UGT2B4: variants seen among roughly 807,000 people sequenced by gnomAD.
UGT2B4 encodes UDP glucuronosyltransferase family 2 member B4, also known as UDP-glucuronosyltransferase 2B4.
Under a neutral mutation model 49.8 loss-of-function variants are expected in UGT2B4, and 49 were observed. The observed-to-expected ratio is 0.98, with a 90% CI of 0.78 to 1.25. UGT2B4 has a LOEUF of 1.25. Among genes scored for constraint, UGT2B4 ranks in the 50% most tolerant of loss-of-function variants. UGT2B4 has a pLI of 0.00. For synonymous variants in UGT2B4, 246 were observed against 217.7 expected, an observed-to-expected ratio of 1.13 and a Z score of -1.14; for missense variants, 729 against 627.7, an observed-to-expected ratio of 1.16 and a Z score of -1.73.
intron 4 of UGT2B4, 80 bp downstream of exon 4, chr4:69,486,529 G>C: frequency 1.0e-6 from 1 of 953,882 alleles, no homozygotes; most frequent in Non-Finnish European, 1.5e-6. Context: ...CAAATGTTCA[G>C]TAAGCTTGTT....
chr4:69,502,344 G>C (rs1014874151), intron 1 of UGT2B4, among the ~76,000 whole-genome samples: 1 of 151,702 alleles, frequency 6.6e-6, no homozygotes, highest in African/African-American at 2.4e-5. Context: ...TATTAACACA[G>C]TCCTTCTGAC....
intron 1 of UGT2B4, among the ~76,000 whole-genome samples, chr4:69,506,573 G>A (rs1488593330): frequency 6.6e-6 from 1 of 152,056 alleles, no homozygotes; most frequent in African/African-American, 2.4e-5. Flanking sequence ...AATTGAAGCT[G>A]TAATAAATAG....
chr4:69,497,058 T>C (rs1728188024), upstream of UGT2B4, among the ~76,000 whole-genome samples: 1 of 152,190 alleles, frequency 6.6e-6, no homozygotes, highest in African/African-American at 2.4e-5. Context: ...TGTCTTAGAA[T>C]TATGCAGACA....
At chr4:69,499,682 A>G (rs987351854), upstream of UGT2B4, among the ~76,000 whole-genome samples, 4 of 152,154 alleles carry the variant, frequency 2.6e-5, no homozygotes, top group African/African-American at 9.7e-5. Flanking sequence ...TAGGATAGCA[A>G]GACCTGCTTC....
At chr4:69,502,126 T>TTTC (rs1553896686) in intron 1 of UGT2B4, among the ~76,000 whole-genome samples, 27 of 143,548 alleles carry the variant, frequency 1.9e-4, no homozygotes, top group African/African-American at 5.9e-4. Context: ...TCTTTCTTTC[T>TTTC]TTCTTTCTTT....
At chr4:69,494,172 C>T (rs780333277) in intron 1 of UGT2B4, among the ~76,000 whole-genome samples, 7 of 152,062 alleles carry the variant, frequency 4.6e-5, no homozygotes, top group African/African-American at 7.2e-5. Context: ...AGCAGATATA[C>T]GTATAAACCA....
rs1187833421 is a variant in UGT2B4 at position 69,495,599 on chromosome 4, T to A, written c.263A>T (p.Asp88Val). Residue 88 changes from aspartate to valine, a missense_variant, in exon 1 of 6, where the codon GAT (aspartate) becomes GTT (valine). Physicochemically the swap from Asp to Val is radical, Grantham distance 152. Coordinates refer to ENST00000305107, the MANE Select transcript of UGT2B4 (RefSeq NM_021139.3). The stretch of plus-strand genomic sequence containing the variant: ...TCTCTTAACCAGCTGCTTGATAATA[T>A]CCTCAAACTCAGTTTTAGTTAAAGA... The part of the protein sequence containing the change: ...PVSLTKTEFE[D>V]IIKQLVKRWA... 2.5e-6 allele frequency: 4 copies of A among 1,613,882 alleles called. No homozygotes were observed. The South Asian group carries it at 3.3e-5, about 13-fold the overall frequency.
intron 1 of UGT2B4, 26 bp from the exon 2 acceptor site, chr4:69,493,867 A>T (rs370331125): frequency 6.3e-7 from 1 of 1,583,052 alleles, no homozygotes. Context: ...AAAAGAAAAG[A>T]TAGATGACAC....
At chr4:69,507,237 C>A (rs4339112) in intron 1 of UGT2B4, among the ~76,000 whole-genome samples, 2 of 151,834 alleles carry the variant, frequency 1.3e-5, no homozygotes, top group African/African-American at 4.8e-5. Context: ...ATCAGGCGAG[C>A]GAAAGAAATA....
intron 2 of UGT2B4, among the ~76,000 whole-genome samples, chr4:69,490,304 T>C (rs1233366683): frequency 1.3e-5 from 2 of 152,208 alleles, no homozygotes; most frequent in Non-Finnish European, 2.9e-5. Context: ...ATTATATTTT[T>C]CAGGTGATTG....
At chr4:69,507,994 C>G (rs1392064057) in intron 1 of UGT2B4, among the ~76,000 whole-genome samples, 1 of 152,020 alleles carries the variant, frequency 6.6e-6, no homozygotes, top group African/African-American at 2.4e-5. Flanking sequence ...CTATAAGAGA[C>G]TTAAACAAAT....
intron 1 of UGT2B4, among the ~76,000 whole-genome samples, chr4:69,504,213 A>G (rs559091163): frequency 5.6e-4 from 85 of 152,334 alleles, no homozygotes; most frequent in Middle Eastern, 3.4e-3. Context: ...GTTCAGAACC[A>G]GGCTGAGGCT....
At chr4:69,518,730 G>T (rs1306558985) in intron 1 of UGT2B4, among the ~76,000 whole-genome samples, 2 of 152,048 alleles carry the variant, frequency 1.3e-5, no homozygotes, top group East Asian at 1.9e-4. Context: ...GACATCCATT[G>T]CCCAATAAGT....
Position 69,493,696 on chromosome 4 carries a change from C to T in UGT2B4, c.867G>A (p.Pro289=), listed in dbSNP as rs772557481. 29 of 1,605,310 alleles carry T rather than the reference C, an allele frequency of 1.8e-5. No homozygotes were observed. Among genetic ancestry groups the T allele is most frequent in the South Asian group, 1.7e-4 (15 of 89,054 alleles). The change falls in exon 2 of 6, where the codon CCG becomes CCA. Residue 289 remains proline (P), a synonymous_variant. Transcript: ENST00000305107. ...GLHCKPAKPL[P]KEMEEFVQSS... is the part of the protein sequence containing the mutation. ...AAAACAAACAGTAATAGTTTACCTT[C>T]GGTAGGGGTTTGGCAGGTTTGCAGT...
At chr4:69,515,480 T>C (rs902052475) in intron 1 of UGT2B4, among the ~76,000 whole-genome samples, 2 of 152,166 alleles carry the variant, frequency 1.3e-5, no homozygotes, top group East Asian at 1.9e-4. Flanking sequence ...AAAGGGACAA[T>C]GCACCAGAAT....
intron 3 of UGT2B4, 58 bp from the exon 4 acceptor site, chr4:69,486,754 T>A: frequency 7.6e-7 from 1 of 1,317,532 alleles, no homozygotes; most frequent in Non-Finnish European, 1.1e-6. Context: ...TCATAGAATG[T>A]TAGAAATCTA....
chr4:69,483,387 T>G (rs1048825447), intron 5 of UGT2B4, among the ~76,000 whole-genome samples: 1 of 152,284 alleles, frequency 6.6e-6, no homozygotes, highest in Non-Finnish European at 1.5e-5. Context: ...TATATATGTG[T>G]GTGTGTGTTA....
chr4:69,501,390 A>G lies in UGT2B4; in HGVS notation c.-105-5424T>C, dbSNP rs138104105. 4.3e-3 allele frequency among the ~76,000 whole-genome samples: 658 copies of G among 151,988 alleles called. 6 individuals are homozygous for G. The highest frequency in any genetic ancestry group is 0.014 in the African/African-American group (567 of 41,434). ...ACAGGGGCTTCTAGCCACCCCAATC[A>G]GTGTTCTCCCGCCACTAGAGATTTG... On this transcript the variant is annotated intron_variant, in intron 1 of 1. Coordinates refer to the UGT2B4 transcript ENST00000510114.
chr4:69,491,363 T>C (rs1400874332), intron 2 of UGT2B4, among the ~76,000 whole-genome samples: 1 of 152,106 alleles, frequency 6.6e-6, no homozygotes, highest in Non-Finnish European at 1.5e-5. Flanking sequence ...TGATGTTTAT[T>C]TTATGAATAT....
Sources: gnomAD v4.1 joint callset for allele counts (sites outside exome capture counted in the v4.1 genomes callset) on GRCh38, gnomAD v4.1.1 for gene constraint, MANE v1.5 for transcripts, NCBI Gene and HGNC (gene_info 2026-07-23, HGNC 2026-07-21) for gene names.